Variants in MRTFA observed in about 807,000 individuals in gnomAD.
MRTFA encodes myocardin related transcription factor A.
MRTFA carries 20 observed loss-of-function variants against 83.5 expected under a neutral mutation model. The ratio of observed to expected loss-of-function variants is 0.24; its 90% CI spans 0.17 to 0.35. The LOEUF (loss-of-function observed/expected upper bound fraction) is 0.35. MRTFA is among the 10% of genes least tolerant of loss of function. MRTFA has a pLI of 1.00. For missense variants in MRTFA, 1,200 were observed against 1,224.7 expected (o/e 0.98, Z 0.30); for synonymous variants, 659 against 541.2 (o/e 1.22, Z -3.02).
intron 7 of MRTFA, among the ~76,000 whole-genome samples, chr22:40,427,381 C>A (rs1481185651): frequency 6.6e-6 from 1 of 152,204 alleles, no homozygotes; most frequent in African/African-American, 2.4e-5. Flanking sequence ...CTAGAAACTG[C>A]CAGTCACCTC....
chr22:40,416,893 C>T lies in MRTFA; in HGVS notation c.2578+93G>A, dbSNP rs768674095. On this transcript the variant is annotated intron_variant, in intron 14 of 14. Transcript: ENST00000355630. This position sits in a 1 kb window ranked among gnomAD's most constrained non-coding sequence, Gnocchi z 4.2. Reference sequence around the variant, plus strand: ...GTGCTTGCCCAAGACTGGTCACGCACGGAAGCATTCAATAAAAACAAACCA... The same window carrying T: ...GTGCTTGCCCAAGACTGGTCACGCATGGAAGCATTCAATAAAAACAAACCA... The T allele has an allele frequency of 3.1e-5, 38 of 1,223,276 alleles. No individual in the cohort carries two copies. The highest frequency in any genetic ancestry group is 2.6e-4 in the Middle Eastern group (1 of 3,854). The allele number at this position is 1,223,276 out of a possible 1,614,324, so 75.8% of individuals were successfully genotyped here.
chr22:40,451,963 T>G (rs888302963), intron 4 of MRTFA, among the ~76,000 whole-genome samples: 24 of 388 alleles, frequency 0.062, no homozygotes, highest in African/African-American at 0.11. Context: ...TGGCTGAAGT[T>G]TTTTTTTTTT....
rs6001933 is a variant in MRTFA at position 40,487,165 on chromosome 22, C to A, written c.242-23879G>T. 7.4e-3 allele frequency among the ~76,000 whole-genome samples: 1,128 copies of A among 152,280 alleles called. 25 individuals carry two copies. In the Middle Eastern group the frequency reaches 0.075, roughly 10 times the overall value. ...ACCACTATTGTGACTATAATCACCT[C>A]TCAGTGTATGCAGCCTTGGTGAGTA... On this transcript the variant is annotated intron_variant, in intron 3 of 14. Coordinates refer to ENST00000355630, the MANE Select transcript of MRTFA (RefSeq NM_020831.6).
chr22:40,489,499 G>C (rs2054234873), intron 3 of MRTFA, among the ~76,000 whole-genome samples: 1 of 151,138 alleles, frequency 6.6e-6, no homozygotes. Flanking sequence ...TTTTTCTAGA[G>C]ACAGGGTCTC....
In MRTFA at chr22:40,436,732, AAGAG is replaced by A. The variant is rs766410928; in HGVS notation, c.308-1182_308-1179del. Among the ~76,000 whole-genome samples, 60 of 152,350 alleles carry A rather than the reference AAGAG, an allele frequency of 3.9e-4. 1 individual carries two copies. Among genetic ancestry groups the A allele is most frequent in the Non-Finnish European group, 5.7e-4 (39 of 68,034 alleles). On this transcript the variant is annotated intron_variant, in intron 4 of 14. Coordinates refer to ENST00000355630, the MANE Select transcript of MRTFA (RefSeq NM_020831.6). ...ACTTCAAGTAGGGAACAGAGGCAAT[AAGAG>A]AGAAATTTATAAGACTGTGGTCAGT...
At chr22:40,578,876 T>C (rs1460545520) in intron 2 of MRTFA, among the ~76,000 whole-genome samples, 2 of 126,240 alleles carry the variant, frequency 1.6e-5, no homozygotes, top group Admixed American at 7.8e-5. Flanking sequence ...TGAGCCAAGA[T>C]TGTGCCACTG....
chr22:40,492,261 A>T (rs1266650093), intron 3 of MRTFA, among the ~76,000 whole-genome samples: 1 of 152,236 alleles, frequency 6.6e-6, no homozygotes, highest in East Asian at 1.9e-4. Flanking sequence ...TTCATTCTAC[A>T]GTGCAAAGGG....
intron 2 of MRTFA, among the ~76,000 whole-genome samples, chr22:40,560,740 G>C (rs1438913191): frequency 1.3e-5 from 2 of 152,166 alleles, no homozygotes; most frequent in African/African-American, 4.8e-5. Flanking sequence ...CATGGGGGCA[G>C]GGTCATCTCC....
Position 40,411,782 on chromosome 22 carries a change from G to A in MRTFA, c.2704C>T (p.Pro902Ser). 2 of 1,533,140 alleles carry A rather than the reference G, an allele frequency of 1.3e-6. No individual in the cohort carries two copies. Among genetic ancestry groups the A allele is most frequent in the Non-Finnish European group, 1.8e-6 (2 of 1,134,662 alleles). 95.0% of individuals were successfully genotyped at this position (1,533,140 alleles called of 1,614,324 possible). ...AGGGAGGGTGAGCCTGGAGGAGGTGGGGCAGCCTGGGGGAGCTCAGCAGAA... is the reference window on the plus strand; with the variant it reads ...AGGGAGGGTGAGCCTGGAGGAGGTGAGGCAGCCTGGGGGAGCTCAGCAGAA... Residue 902 changes from proline to serine, a missense_variant, in exon 15 of 15, where the codon CCA becomes TCA. Pro to Ser is a moderately conservative substitution (Grantham distance 74). This residue lies in a region of MRTFA where 1,107 missense variants were observed against 1,041.8 expected (regional missense o/e 1.06). Transcript: ENST00000355630.
chr22:40,516,691 C>T (rs1054562491), intron 3 of MRTFA, among the ~76,000 whole-genome samples: 2 of 152,140 alleles, frequency 1.3e-5, no homozygotes, highest in African/African-American at 4.8e-5. Flanking sequence ...GCATATGACA[C>T]TGGTTTTGGC....
chr22:40,609,887 G>T (rs1214043042), intron 1 of MRTFA, among the ~76,000 whole-genome samples: 1 of 152,066 alleles, frequency 6.6e-6, no homozygotes, highest in African/African-American at 2.4e-5. Flanking sequence ...ATTCTGAAAG[G>T]CAGATAAACG....
At chr22:40,501,879 A>C (rs2147224283) in intron 3 of MRTFA, among the ~76,000 whole-genome samples, 1 of 52,760 alleles carries the variant, frequency 1.9e-5, no homozygotes, top group East Asian at 8.8e-4. Flanking sequence ...TCCCTCCCGG[A>C]CGGGGCGGCT....
At chr22:40,455,782 A>T (rs992880981) in intron 4 of MRTFA, among the ~76,000 whole-genome samples, 12 of 149,134 alleles carry the variant, frequency 8.0e-5, no homozygotes, top group Admixed American at 2.7e-4. Context: ...CAACAACAAC[A>T]AAAAGATCCC....
intron 3 of MRTFA, among the ~76,000 whole-genome samples, chr22:40,476,369 G>C (rs922266907): frequency 2.6e-5 from 4 of 152,100 alleles, no homozygotes; most frequent in African/African-American, 9.7e-5. Context: ...TTGCTTTCTG[G>C]TTCTTGAGCC....
At position 40,620,019 on chromosome 22, in the gene MRTFA, G is replaced by C. The variant is rs182020733; in HGVS notation, c.-84+16459C>G. On this transcript the variant is annotated intron_variant, in intron 1 of 14. Transcript: ENST00000355630. Reference sequence around the variant, plus strand: ...GTCTCCCAGGCTGGAGTGCAGTGGCGTGATCTTGGCTCAATGCAGCCTCCG... The same window carrying C: ...GTCTCCCAGGCTGGAGTGCAGTGGCCTGATCTTGGCTCAATGCAGCCTCCG... 3.4e-4 allele frequency among the ~76,000 whole-genome samples: 51 copies of C among 151,700 alleles called. No homozygotes were observed. In the East Asian group the frequency reaches 8.9e-3, roughly 27 times the overall value.
rs1243302632 is a variant in MRTFA at position 40,411,526 on chromosome 22, C to T, written c.2960G>A (p.Ser987Asn). ...TGACGACAGCTCCAGCCAGTCCATG[C>T]TGTCCAGGTGGCCATCAGCCAGGTC... The change falls in exon 15 of 15, where the codon AGC becomes AAC. Residue 987 changes from serine to asparagine, a missense_variant. Physicochemically the swap from Ser to Asn is conservative, Grantham distance 46. Coordinates refer to ENST00000355630, the MANE Select transcript of MRTFA (RefSeq NM_020831.6). 1 of 1,613,168 alleles carries T rather than the reference C, an allele frequency of 6.2e-7. No homozygotes were observed.
intron 3 of MRTFA, among the ~76,000 whole-genome samples, chr22:40,534,531 T>C (rs964701569): frequency 1.3e-5 from 2 of 152,206 alleles, no homozygotes; most frequent in Non-Finnish European, 2.9e-5. Context: ...TGTGGCTTAC[T>C]GCAACCTCGA....
intron 2 of MRTFA, among the ~76,000 whole-genome samples, chr22:40,556,911 T>C (rs1258641714): frequency 1.3e-5 from 2 of 152,314 alleles, no homozygotes; most frequent in South Asian, 2.1e-4. Context: ...AACCTCCTTA[T>C]TCAAAAGGAA....
At chr22:40,607,023 T>C (rs957135783) in intron 1 of MRTFA, among the ~76,000 whole-genome samples, 1 of 152,140 alleles carries the variant, frequency 6.6e-6, no homozygotes, top group Admixed American at 6.5e-5. Context: ...TAAGATAGCA[T>C]ACATGAAAGC....
Sources: allele counts gnomAD v4.1 joint callset (sites outside exome capture counted in the v4.1 genomes callset), GRCh38; gene constraint gnomAD v4.1.1; regional missense constraint gnomAD v4.1.1; non-coding constraint Gnocchi (gnomAD v3.1); transcripts MANE v1.5; gene names NCBI Gene and HGNC (gene_info 2026-07-23, HGNC 2026-07-21).